The following TMEM135 variants were observed in gnomAD, a reference collection of about 807,000 sequenced individuals.
TMEM135 encodes transmembrane protein 135.
Under a neutral mutation model 60.3 loss-of-function variants are expected in TMEM135, and 30 were observed. The ratio of observed to expected loss-of-function variants is 0.50; its 90% CI spans 0.37 to 0.68. The LOEUF is 0.68. Ranked by LOEUF, TMEM135 falls within the 30% of genes least tolerant of loss-of-function variation. The pLI is 0.00. For missense variants in TMEM135, 468 were observed against 548.8 expected, an observed-to-expected ratio of 0.85 and a Z score of 1.47; for synonymous variants, 190 against 186.7, an observed-to-expected ratio of 1.02 and a Z score of -0.14.
At chr11:87,171,520 C>A (rs541805592) in intron 5 of TMEM135, among the ~76,000 whole-genome samples, 1 of 151,974 alleles carries the variant, frequency 6.6e-6, no homozygotes, top group South Asian at 2.1e-4. Context: ...AACCTCATGA[C>A]AAAATTATCA....
At chr11:87,054,052 C>G (rs1338648608) in intron 1 of TMEM135, among the ~76,000 whole-genome samples, 1 of 152,176 alleles carries the variant, frequency 6.6e-6, no homozygotes, top group Middle Eastern at 3.2e-3. Context: ...ATGTGAGGCT[C>G]TGTCTTCCTC....
chr11:87,280,720 G>A (rs1942045674), intron 6 of TMEM135, among the ~76,000 whole-genome samples: 1 of 152,090 alleles, frequency 6.6e-6, no homozygotes, highest in South Asian at 2.1e-4. Context: ...AATTCCTGAA[G>A]CCATCGGCAA....
chr11:87,196,848 AT>A (rs1205916190), intron 5 of TMEM135, among the ~76,000 whole-genome samples: 7 of 152,062 alleles, frequency 4.6e-5, no homozygotes, highest in African/African-American at 1.7e-4. Flanking sequence ...AGTATTTAGA[AT>A]TTTTTAAAAA....
At chr11:87,084,829 A>G (rs561669556) in intron 3 of TMEM135, among the ~76,000 whole-genome samples, 1 of 152,362 alleles carries the variant, frequency 6.6e-6, no homozygotes, top group Non-Finnish European at 1.5e-5. Flanking sequence ...GGATATGGGT[A>G]TCAGAATCTC....
At chr11:87,258,954 G>A in intron 6 of TMEM135, 7 of 1,501,398 alleles carry the variant, frequency 4.7e-6, no homozygotes, top group Non-Finnish European at 2.8e-6. Flanking sequence ...GCTGTTGCTC[G>A]GTTTGCATCT....
chr11:87,249,163 T>C (rs991461222), intron 6 of TMEM135, among the ~76,000 whole-genome samples: 1 of 152,208 alleles, frequency 6.6e-6, no homozygotes, highest in South Asian at 2.1e-4. Flanking sequence ...ATCCCTGTTG[T>C]GTTCCAGATC....
At chr11:87,302,538 T>C (rs973773158) in intron 8 of TMEM135, 96 bp downstream of exon 8, 2 of 1,481,574 alleles carry the variant, frequency 1.3e-6, no homozygotes, top group Non-Finnish European at 9.4e-7. Flanking sequence ...ATTCAGGTAA[T>C]GATGATCATT....
chr11:87,286,179 C>T (rs371235041), intron 6 of TMEM135, among the ~76,000 whole-genome samples: 1 of 152,022 alleles, frequency 6.6e-6, no homozygotes, highest in Admixed American at 6.5e-5. Flanking sequence ...ACACAGAGCA[C>T]TGATTGGTGC....
Position 87,150,017 on chromosome 11 carries a change from C to T in TMEM135, c.397-7324C>T, listed in dbSNP as rs530975579. ...GGATCACCTGAGGGTCAAGAGTTAG[C>T]GACCAGCCTGACTAACATGGTGAAA... On this transcript the variant is annotated intron_variant, in intron 4 of 14. Transcript: ENST00000305494. Among the ~76,000 whole-genome samples, 39 of 151,964 alleles carry T rather than the reference C, an allele frequency of 2.6e-4. 1 individual carries two copies. In the South Asian group the frequency reaches 4.6e-3, roughly 18 times the overall value.
At chr11:87,126,992 G>A (rs1937752461) in intron 4 of TMEM135, among the ~76,000 whole-genome samples, 1 of 152,150 alleles carries the variant, frequency 6.6e-6, no homozygotes, top group Admixed American at 6.5e-5. Context: ...TATAAGTGTA[G>A]ATAAAAAAGT....
chr11:87,271,508 CGTAA>C (rs1313101363), intron 6 of TMEM135, among the ~76,000 whole-genome samples: 1 of 151,854 alleles, frequency 6.6e-6, no homozygotes, highest in Non-Finnish European at 1.5e-5. Context: ...TGTAGATTGC[CGTAA>C]GTATAAAGCA....
At chr11:87,145,628 G>T (rs924881841) in intron 4 of TMEM135, among the ~76,000 whole-genome samples, 2 of 151,678 alleles carry the variant, frequency 1.3e-5, no homozygotes. Flanking sequence ...ATTCTGACAG[G>T]TGTGAGATGA....
At chr11:87,163,974 C>T (rs939959433) in intron 5 of TMEM135, among the ~76,000 whole-genome samples, 1 of 148,474 alleles carries the variant, frequency 6.7e-6, no homozygotes, top group African/African-American at 2.5e-5. Context: ...AAAATTTTCT[C>T]CCATTTTGTA....
rs1212199314 is a variant in TMEM135 at position 87,157,259 on chromosome 11, T to G, written c.397-82T>G. On this transcript the variant is annotated intron_variant, in intron 4 of 14. Coordinates refer to ENST00000305494, the MANE Select transcript of TMEM135 (RefSeq NM_022918.4). ...GGATATATAATAGTATTGAATGTTTTTCACATTTAGGGTGTGGGATATACA... is the reference window on the plus strand; with the variant it reads ...GGATATATAATAGTATTGAATGTTTGTCACATTTAGGGTGTGGGATATACA... 23 of 1,298,862 alleles carry G rather than the reference T, an allele frequency of 1.8e-5. No homozygotes were observed. The East Asian group carries it at 4.4e-4, about 25-fold the overall frequency. 80.5% of individuals were successfully genotyped at this position (1,298,862 alleles called of 1,614,324 possible).
At chr11:87,132,123 A>G (rs1937950039) in intron 4 of TMEM135, among the ~76,000 whole-genome samples, 1 of 152,090 alleles carries the variant, frequency 6.6e-6, no homozygotes, top group Admixed American at 6.6e-5. Context: ...ATATATTACA[A>G]TGTAATAAGA....
At chr11:87,140,021 A>G (rs149319046) in intron 4 of TMEM135, among the ~76,000 whole-genome samples, 91 of 151,994 alleles carry the variant, frequency 6.0e-4, no homozygotes, top group Non-Finnish European at 9.0e-4. Flanking sequence ...TGCCACATAT[A>G]TATTTGCAGA....
At chr11:87,125,357 T>C (rs1937694975) in intron 4 of TMEM135, among the ~76,000 whole-genome samples, 1 of 152,084 alleles carries the variant, frequency 6.6e-6, no homozygotes, top group Admixed American at 6.5e-5. Context: ...TAAGAGTAGT[T>C]GTGGGGGAGT....
intron 5 of TMEM135, among the ~76,000 whole-genome samples, chr11:87,176,512 T>G (rs1044520383): frequency 6.6e-6 from 1 of 152,158 alleles, no homozygotes; most frequent in African/African-American, 2.4e-5. Context: ...ATGGCAAGTA[T>G]TATTTGAGAT....
At chr11:87,189,130 T>TTTTCCTTTCCGTTTCCC (rs1939727434) in intron 5 of TMEM135, among the ~76,000 whole-genome samples, 2 of 136,492 alleles carry the variant, frequency 1.5e-5, no homozygotes, top group African/African-American at 5.5e-5. Flanking sequence ...TCCCTTTCCC[T>TTTTCCTTTCCGTTTCCC]TTTCCTTTCC....
Sources: allele counts gnomAD v4.1 joint callset (sites outside exome capture counted in the v4.1 genomes callset), GRCh38; gene constraint gnomAD v4.1.1; transcripts MANE v1.5; gene names NCBI Gene and HGNC (gene_info 2026-07-23, HGNC 2026-07-21).